The following SH3PXD2A variants were observed in gnomAD, a reference collection of about 807,000 sequenced individuals.
The protein encoded by SH3PXD2A is SH3 and PX domain-containing protein 2A.
In SH3PXD2A, 32 loss-of-function variants were observed where a neutral mutation model predicts 115.2. The ratio of observed to expected loss-of-function variants is 0.28; its 90% CI spans 0.21 to 0.37. SH3PXD2A has a LOEUF of 0.37. Ranked by LOEUF, SH3PXD2A falls within the 10% of genes least tolerant of loss-of-function variation. The pLI is 1.00. For synonymous variants in SH3PXD2A, 610 were observed against 629.1 expected, an observed-to-expected ratio of 0.97 and a Z score of 0.45; for missense variants, 1,328 against 1,498.7, an observed-to-expected ratio of 0.89 and a Z score of 1.88.
chr10:103,664,447 G>C (rs1290778752), intron 7 of SH3PXD2A, among the ~76,000 whole-genome samples: 4 of 152,118 alleles, frequency 2.6e-5, no homozygotes, highest in Non-Finnish European at 4.4e-5. Flanking sequence ...TCACGCATGG[G>C]CAAAGCAAGC....
Position 103,601,255 on chromosome 10 carries a change from G to A in SH3PXD2A, c.*561C>T, listed in dbSNP as rs2036210496. 1 of 152,454 alleles carries A rather than the reference G, an allele frequency of 6.6e-6. No individual in the cohort carries two copies. Among genetic ancestry groups the A allele is most frequent in the African/African-American group, 2.4e-5 (1 of 41,452 alleles). The allele number at this position is 152,454 out of a possible 1,614,324, so 9.4% of individuals were successfully genotyped here. A position where few individuals can be genotyped will look rare whatever the true frequency, so the allele number is the denominator to read the frequency against. On this transcript the variant is annotated 3_prime_UTR_variant, in exon 15 of 15. Transcript: ENST00000369774. The stretch of plus-strand genomic sequence containing the variant: ...CCCAGAAGCAGGCTTGAGCTCAGAA[G>A]ACACCCCCAAGCCTGAAAGCCAGTG...
chr10:103,696,491 C>T (rs1412760716), intron 5 of SH3PXD2A, among the ~76,000 whole-genome samples: 4 of 152,042 alleles, frequency 2.6e-5, no homozygotes, highest in Non-Finnish European at 5.9e-5. Flanking sequence ...AACTCAAGAA[C>T]CCCCCCTCTT....
chr10:103,702,038 T>TCATC (rs2037919122), intron 5 of SH3PXD2A, among the ~76,000 whole-genome samples: 1 of 142,382 alleles, frequency 7.0e-6, no homozygotes, highest in South Asian at 2.2e-4. Flanking sequence ...CCACCATCCA[T>TCATC]CATCCATCTA....
At chr10:103,638,895 G>T (rs909642770) in intron 8 of SH3PXD2A, among the ~76,000 whole-genome samples, 1 of 152,212 alleles carries the variant, frequency 6.6e-6, no homozygotes, top group Non-Finnish European at 1.5e-5. Flanking sequence ...GGGAGAGAGA[G>T]ACCCTCGTGG....
intron 1 of SH3PXD2A, among the ~76,000 whole-genome samples, chr10:103,815,888 CAAA>C (rs749050851): frequency 9.1e-6 from 1 of 110,096 alleles, no homozygotes. Context: ...GACTCCATCT[CAAA>C]AAAAAAAAAA....
chr10:103,853,113 A>C (rs1842911186), intron 1 of SH3PXD2A, among the ~76,000 whole-genome samples: 1 of 152,144 alleles, frequency 6.6e-6, no homozygotes, highest in Non-Finnish European at 1.5e-5. Context: ...TGCCCCCCCA[A>C]ACATAATGTC....
At chr10:103,632,589 G>A (rs1476121072) in intron 8 of SH3PXD2A, among the ~76,000 whole-genome samples, 1 of 141,516 alleles carries the variant, frequency 7.1e-6, no homozygotes, top group Non-Finnish European at 1.6e-5. Context: ...GCCCACCTAG[G>A]TGGTATTTGA....
chr10:103,751,092 A>G (rs17115904), intron 3 of SH3PXD2A, among the ~76,000 whole-genome samples: 4,329 of 152,348 alleles, frequency 0.028, 197 homozygotes, highest in African/African-American at 0.098. Flanking sequence ...GAATGAGGAT[A>G]ATAAGGGAGT....
At chr10:103,769,850 T>C (rs1248760104) in intron 2 of SH3PXD2A, among the ~76,000 whole-genome samples, 3 of 152,242 alleles carry the variant, frequency 2.0e-5, no homozygotes, top group African/African-American at 4.8e-5. Flanking sequence ...TCCTATACCT[T>C]AATGCTCAGC....
Position 103,602,441 on chromosome 10 carries a change from A to G in SH3PXD2A, c.2777T>C (p.Leu926Pro), listed in dbSNP as rs1799844326. 6.2e-7 allele frequency: 1 copy of G among 1,614,132 alleles called. No individual in the cohort carries two copies. The highest frequency in any genetic ancestry group is 8.5e-7 in the Non-Finnish European group (1 of 1,180,000). The change falls in exon 15 of 15, where the codon CTG becomes CCG. Residue 926 changes from leucine (L) to proline (P), a missense_variant. Leu to Pro is a moderately conservative substitution (Grantham distance 98). Coordinates refer to ENST00000369774, the MANE Select transcript of SH3PXD2A (RefSeq NM_001394015.1). ...TTGGACGCGCCTCTCGATCTTCTCC[A>G]GGCTGTCTGATTTGCCTTCGTTCTG... ...GRQNEGKSDSLEKIERRVQAL... is the reference protein window; with the variant it reads ...GRQNEGKSDSPEKIERRVQAL...
At chr10:103,764,059 C>T (rs1251005297) in intron 3 of SH3PXD2A, among the ~76,000 whole-genome samples, 7 of 152,350 alleles carry the variant, frequency 4.6e-5, no homozygotes, top group South Asian at 2.1e-4. Context: ...CTGCATTTAA[C>T]GAACTTGACC....
chr10:103,602,349 A>C lies in SH3PXD2A; in HGVS notation c.2869T>G (p.Phe957Val). 6.2e-7 allele frequency: 1 copy of C among 1,613,512 alleles called. No homozygotes were observed. The highest frequency in any genetic ancestry group is 2.2e-5 in the East Asian group (1 of 44,872). ...GCTGGAGTGCCTGAGGTCTTGCCGA[A>C]GCCCCCGGGAGGTTTGGAGGGGATG... Reference protein sequence around the residue: ...PPIPSKPPGGFGKTSGTPAVK... With the variant: ...PPIPSKPPGGVGKTSGTPAVK... The change falls in exon 15 of 15, where the codon TTC becomes GTC. Residue 957 changes from phenylalanine (F) to valine (V), a missense_variant. This residue lies in a region of SH3PXD2A where 574 missense variants were observed against 565.7 expected (regional missense o/e 1.01). Coordinates refer to ENST00000369774, the MANE Select transcript of SH3PXD2A (RefSeq NM_001394015.1).
chr10:103,595,318 T>A lies in SH3PXD2A; in HGVS notation c.*6498A>T, dbSNP rs1250331984. 1 of 152,210 alleles carries A rather than the reference T, an allele frequency of 6.6e-6. No homozygotes were observed. The highest frequency in any genetic ancestry group is 1.5e-5 in the Non-Finnish European group (1 of 68,038). 9.4% of individuals were successfully genotyped at this position (152,210 alleles called of 1,614,324 possible). A position where few individuals can be genotyped will look rare whatever the true frequency, so the allele number is the denominator to read the frequency against. ...ATTCCCTTTCTACCTGCTCTCTTCT[T>A]CCTGAAACACTCAGAGCTGACTTCT... is the stretch of plus-strand genomic sequence containing the variant. On this transcript the variant is annotated 3_prime_UTR_variant, in exon 15 of 15. Coordinates refer to ENST00000369774, the MANE Select transcript of SH3PXD2A (RefSeq NM_001394015.1).
chr10:103,738,919 C>A (rs534186564), intron 3 of SH3PXD2A, among the ~76,000 whole-genome samples: 21 of 152,052 alleles, frequency 1.4e-4, no homozygotes, highest in Non-Finnish European at 2.8e-4. Context: ...TTCAGCCTCC[C>A]GAGTAGCTGG....
chr10:103,741,516 G>A (rs889821018), intron 3 of SH3PXD2A, among the ~76,000 whole-genome samples: 3 of 152,162 alleles, frequency 2.0e-5, no homozygotes, highest in Non-Finnish European at 4.4e-5. Flanking sequence ...ATCTTCTCAA[G>A]GGGATCCCTG....
chr10:103,661,221 C>G, intron 7 of SH3PXD2A, 107 bp from the exon 8 acceptor site: 1 of 1,357,096 alleles, frequency 7.4e-7, no homozygotes, highest in Non-Finnish European at 9.8e-7. Flanking sequence ...CTGTCGCCAG[C>G]GCCGCTCCCA....
chr10:103,617,286 G>A lies in SH3PXD2A; in HGVS notation c.831C>T (p.Tyr277=). ...REEKYVTVQP[Y]TSQSKDEIGF... is the part of the protein sequence containing the mutation. Reference sequence around the variant, plus strand: ...CAATCTCGTCCTTGCTTTGGCTGGTGTAAGGCTGCACGGTGACATACTTCT... The same window carrying A: ...CAATCTCGTCCTTGCTTTGGCTGGTATAAGGCTGCACGGTGACATACTTCT... Residue 277 remains tyrosine (Y), a synonymous_variant, in exon 11 of 15, where the codon TAC becomes TAT. Transcript: ENST00000369774. 3.1e-6 allele frequency: 5 copies of A among 1,614,114 alleles called. No homozygotes were observed. The highest frequency in any genetic ancestry group is 3.4e-6 in the Non-Finnish European group (4 of 1,179,888).
chr10:103,801,802 C>A (rs1357415874), intron 1 of SH3PXD2A, among the ~76,000 whole-genome samples: 1 of 152,120 alleles, frequency 6.6e-6, no homozygotes, highest in African/African-American at 2.4e-5. Flanking sequence ...CTCCCTGGTT[C>A]AAGCAATTCT....
chr10:103,715,032 C>T (rs942227634), intron 5 of SH3PXD2A, among the ~76,000 whole-genome samples: 4 of 152,212 alleles, frequency 2.6e-5, no homozygotes, highest in Admixed American at 6.5e-5. Context: ...GAGAGGGATG[C>T]GGTGAGATGC....
Sources: gnomAD v4.1 joint callset for allele counts (sites outside exome capture counted in the v4.1 genomes callset) on GRCh38, gnomAD v4.1.1 for gene constraint, gnomAD v4.1.1 regional missense constraint, MANE v1.5 for transcripts, NCBI Gene and HGNC (gene_info 2026-07-23, HGNC 2026-07-21) for gene names.